ARHGEF9: variants seen among roughly 807,000 people sequenced by gnomAD.
The protein encoded by ARHGEF9 is rho guanine nucleotide exchange factor 9.
Under a neutral mutation model 41.3 loss-of-function variants are expected in ARHGEF9, and 2 were observed. The observed-to-expected ratio is 0.05, with a 90% CI of 0.02 to 0.15. The LOEUF is 0.15. Among genes scored for constraint, ARHGEF9 ranks in the 10% least tolerant of loss-of-function variants. ARHGEF9 has a pLI of 1.00. For missense variants in ARHGEF9, 225 were observed against 424.7 expected, an observed-to-expected ratio of 0.53 and a Z score of 4.13; for synonymous variants, 160 against 154.4, an observed-to-expected ratio of 1.04 and a Z score of -0.27.
chrX:63,784,732 C>A (rs2056434307), intron 1 of ARHGEF9, among the ~76,000 whole-genome samples: 1 of 111,048 alleles, frequency 9.0e-6, no homozygotes, highest in Non-Finnish European at 1.9e-5. Context: ...TCCCCTCCCC[C>A]CACAACCCCG....
chrX:63,641,620 C>T (rs1556306208), intron 9 of ARHGEF9: 1 of 111,525 alleles, frequency 9.0e-6, no homozygotes, highest in Non-Finnish European at 1.9e-5. Flanking sequence ...GAAGTGTTCT[C>T]AGTGAAAAGA....
chrX:63,774,699 A>T (rs1173132125), intron 1 of ARHGEF9, among the ~76,000 whole-genome samples: 1 of 111,948 alleles, frequency 8.9e-6, no homozygotes, highest in Non-Finnish European at 1.9e-5. Flanking sequence ...AAGGCTGTAA[A>T]AATGCAGTTT....
At chrX:63,757,308 C>T (rs1457739892) in intron 1 of ARHGEF9, among the ~76,000 whole-genome samples, 3 of 111,931 alleles carry the variant, frequency 2.7e-5, no homozygotes, top group Admixed American at 9.5e-5. Context: ...CTTGCTTGCA[C>T]GTAAGCAGAG....
Position 63,635,202 on chromosome X carries a change from T to A in ARHGEF9, c.*2826A>T. The A allele has an allele frequency of 5.9e-6, 2 of 339,586 alleles. No homozygotes were observed. Among genetic ancestry groups the A allele is most frequent in the Non-Finnish European group, 5.3e-6 (1 of 187,743 alleles). The allele number at this position is 339,586 out of a possible 1,213,427, so 28.0% of individuals were successfully genotyped here. A position where few individuals can be genotyped will look rare whatever the true frequency, so the allele number is the denominator to read the frequency against. Reference sequence around the variant, plus strand: ...ACCCCATCCCCAAAGCACTAAAAGATCACTATTTGGCTTCACACTAGAATT... The same window carrying A: ...ACCCCATCCCCAAAGCACTAAAAGAACACTATTTGGCTTCACACTAGAATT... On this transcript the variant is annotated 3_prime_UTR_variant, in exon 10 of 10. Coordinates refer to ENST00000671741, the MANE Select transcript of ARHGEF9 (RefSeq NM_001353921.2).
intron 1 of ARHGEF9, among the ~76,000 whole-genome samples, chrX:63,783,840 A>AT (rs2056419724): frequency 1.8e-5 from 2 of 111,696 alleles, no homozygotes; most frequent in Non-Finnish European, 3.8e-5. Context: ...TTCTACAAAC[A>AT]TTTGATGCAG....
At chrX:63,666,632 G>A (rs1279056774) in intron 6 of ARHGEF9, among the ~76,000 whole-genome samples, 4 of 109,593 alleles carry the variant, frequency 3.6e-5, no homozygotes, top group African/African-American at 6.7e-5. Context: ...AGAAGGAAAC[G>A]GGAGGACAAG....
chrX:63,707,360 T>TG (rs1298420345), intron 2 of ARHGEF9: 2 of 31,639 alleles, frequency 6.3e-5, no homozygotes, highest in East Asian at 2.0e-3. Context: ...AGTGGGAAGC[T>TG]AAAAAAAAAA....
At chrX:63,655,831 CGTT>C in intron 7 of ARHGEF9, 94 bp from the exon 8 acceptor site, 1 of 1,088,849 alleles carries the variant, frequency 9.2e-7, no homozygotes, top group Non-Finnish European at 1.3e-6. Flanking sequence ...ACACTGTCAC[CGTT>C]TTGAAGTACC....
intron 2 of ARHGEF9, among the ~76,000 whole-genome samples, chrX:63,720,449 T>C (rs2053572731): frequency 8.9e-6 from 1 of 112,161 alleles, no homozygotes; most frequent in African/African-American, 3.2e-5. Flanking sequence ...TACCACATTA[T>C]AATATTGAAA....
intron 4 of ARHGEF9, among the ~76,000 whole-genome samples, chrX:63,679,068 A>G (rs1255622928): frequency 1.8e-5 from 2 of 112,170 alleles, no homozygotes; most frequent in Non-Finnish European, 3.8e-5. Context: ...AGGAAACACA[A>G]TGTGATGAAG....
intron 8 of ARHGEF9, among the ~76,000 whole-genome samples, chrX:63,650,328 G>A (rs782686722): frequency 7.2e-5 from 8 of 111,284 alleles, no homozygotes; most frequent in Non-Finnish European, 1.9e-5. Context: ...ATATATACAC[G>A]ATGTTATATT....
intron 7 of ARHGEF9, among the ~76,000 whole-genome samples, chrX:63,659,349 C>T (rs1556339285): frequency 8.9e-6 from 1 of 112,053 alleles, no homozygotes; most frequent in Non-Finnish European, 1.9e-5. Flanking sequence ...TGAGCAGGTG[C>T]TCAAAACAGA....
At chrX:63,703,457 G>A (rs2052325687) in intron 3 of ARHGEF9, among the ~76,000 whole-genome samples, 1 of 112,158 alleles carries the variant, frequency 8.9e-6, no homozygotes, top group Non-Finnish European at 1.9e-5. Flanking sequence ...TAGAAAATAG[G>A]AATAACAATA....
rs374489713 is a variant in ARHGEF9, at chrX:63,724,570, C to A, written c.172G>T (p.Asp58Tyr). 1.7e-6 allele frequency: 2 copies of A among 1,208,983 alleles called. No individual in the cohort carries two copies. The highest frequency in any genetic ancestry group is 2.2e-6 in the Non-Finnish European group (2 of 895,026). Residue 58 changes from aspartate (D) to tyrosine (Y), a missense_variant, in exon 2 of 10, where the codon GAC becomes TAC. By Grantham distance (160) the Asp-to-Tyr change is radical. Coordinates refer to ENST00000671741, the MANE Select transcript of ARHGEF9 (RefSeq NM_001353921.2). ...GCAGGAAACCATCCCTCCTCATCGT[C>A]GATCTGGCCCCACCACCAATCCTTG... ...SNKDWWWGQI[D>Y]DEEGWFPASF...
intron 2 of ARHGEF9, among the ~76,000 whole-genome samples, chrX:63,723,841 T>C (rs1272444455): frequency 8.9e-6 from 1 of 112,394 alleles, no homozygotes. Flanking sequence ...GCCTCTCTGT[T>C]AAGGGCCAGG....
rs547024388 is a variant in ARHGEF9 at position 63,676,921 on chromosome X, G to A, written c.815+1419C>T. Among the ~76,000 whole-genome samples, 16 of 112,541 alleles carry A rather than the reference G, an allele frequency of 1.4e-4. No individual in the cohort carries two copies. In the East Asian group the frequency reaches 3.1e-3, roughly 22 times the overall value. On this transcript the variant is annotated intron_variant, in intron 5 of 9. Transcript: ENST00000671741. ...TGAATAACACAAATATAGACTATTT[G>A]CATTGTTGCAGAAAGTTCTACTGGG...
At chrX:63,755,476 A>T (rs782693698) in intron 1 of ARHGEF9, 132 of 264,321 alleles carry the variant, frequency 5.0e-4, no homozygotes, top group African/African-American at 3.4e-3. Context: ...AGGGGAGGAG[A>T]TCACGTGAAG....
chrX:63,659,677 G>A (rs1556339503), intron 7 of ARHGEF9, among the ~76,000 whole-genome samples: 1 of 111,334 alleles, frequency 9.0e-6, no homozygotes, highest in African/African-American at 3.3e-5. Context: ...GGTTTGGACT[G>A]GATTTATTTC....
At chrX:63,646,564 G>T (rs2048090037) in intron 8 of ARHGEF9, among the ~76,000 whole-genome samples, 1 of 111,269 alleles carries the variant, frequency 9.0e-6, no homozygotes, top group African/African-American at 3.3e-5. Flanking sequence ...ATTTCTGAGG[G>T]CTCTGTTCTG....
Sources: gnomAD v4.1 joint callset for allele counts (sites outside exome capture counted in the v4.1 genomes callset) on GRCh38, gnomAD v4.1.1 for gene constraint, MANE v1.5 for transcripts, NCBI Gene and HGNC (gene_info 2026-07-23, HGNC 2026-07-21) for gene names.